Variants in AHNAK2 observed in about 807,000 individuals in gnomAD.
AHNAK2 encodes the protein protein AHNAK2.
AHNAK2 carries 18 observed loss-of-function variants against 30.7 expected under a neutral mutation model. That is an observed-to-expected ratio of 0.59 (90% CI 0.41 to 0.87). The LOEUF (loss-of-function observed/expected upper bound fraction) is 0.87, where lower values mean the gene tolerates loss of function less well. Among genes scored for constraint, AHNAK2 ranks in the 40% least tolerant of loss-of-function variants. The pLI is 0.00. For synonymous variants in AHNAK2, 3,590 were observed against 3,073.8 expected, an observed-to-expected ratio of 1.17 and a Z score of -5.56; for missense variants, 8,604 against 7,373.0, an observed-to-expected ratio of 1.17 and a Z score of -6.11.
Position 104,947,940 on chromosome 14 carries a change from G to T in AHNAK2, c.7511C>A (p.Ala2504Asp), listed in dbSNP as rs771202343. The change falls in exon 7 of 7, where the codon GCC becomes GAC. Residue 2504 changes from alanine to aspartate, a missense_variant. Transcript: ENST00000333244. The stretch of plus-strand genomic sequence containing the variant: ...CTTCGGCGCAGACACATCCACCGAG[G>T]CCTCGATGGACTTGCCTGGGGCAGA... ...GVSAPGKSIEASVDVSAPKVE... is the reference protein window; with the variant it reads ...GVSAPGKSIEDSVDVSAPKVE... 1.1e-5 allele frequency: 17 copies of T among 1,612,650 alleles called. No individual in the cohort carries two copies. Among genetic ancestry groups the T allele is most frequent in the Admixed American group, 8.3e-5 (5 of 59,936 alleles).
At position 104,944,336 on chromosome 14, in the gene AHNAK2, C is replaced by G; in HGVS notation, c.11115G>C (p.Lys3705Asn). ...CCTCGGGCACCTGGCCCTCCGGGAG[C>G]TTCACATCCATCTGGCCAGCCTGGA... is the stretch of plus-strand genomic sequence containing the variant. ...LKVQAGQMDV[K>N]LPEGQVPEGA... is the part of the protein sequence containing the mutation. Residue 3705 changes from lysine to asparagine, a missense_variant, in exon 7 of 7, where the codon AAG (lysine) becomes AAC (asparagine). Lys to Asn is a moderately conservative substitution (Grantham distance 94, BLOSUM62 0). Transcript: ENST00000333244. 6.2e-7 allele frequency: 1 copy of G among 1,611,610 alleles called. No individual in the cohort carries two copies. The highest frequency in any genetic ancestry group is 1.7e-4 in the Middle Eastern group (1 of 6,050).
At position 104,955,541 on chromosome 14, in the gene AHNAK2, G is replaced by T. The variant is rs1430010002; in HGVS notation, c.408C>A (p.Ile136=). Reference sequence around the variant, plus strand: ...AGTCCTTCAGCACTTGCTTGACGAAGATCCCCTGGTCCCCACCACCTGTGA... The same window carrying T: ...AGTCCTTCAGCACTTGCTTGACGAATATCCCCTGGTCCCCACCACCTGTGA... ...YSVTGGGDQG[I]FVKQVLKDSS... Residue 136 remains isoleucine, a synonymous_variant, in exon 5 of 7, where the codon ATC becomes ATA. Transcript: ENST00000333244. The T allele has an allele frequency of 1.2e-6, 2 of 1,613,650 alleles. No individual in the cohort carries two copies. Among genetic ancestry groups the T allele is most frequent in the Non-Finnish European group, 1.7e-6 (2 of 1,179,810 alleles).
intron 1 of AHNAK2, among the ~76,000 whole-genome samples, chr14:104,977,396 C>A (rs997346152): frequency 3.9e-5 from 6 of 152,208 alleles, no homozygotes; most frequent in Non-Finnish European, 8.8e-5. Context: ...ACACAAAGAG[C>A]AGCAGGTACA....
In AHNAK2 at chr14:104,939,370, T is replaced by C. The variant is rs776477526; in HGVS notation, c.16081A>G (p.Ser5361Gly). 2.1e-5 allele frequency: 34 copies of C among 1,613,572 alleles called. No individual in the cohort carries two copies. Among genetic ancestry groups the C allele is most frequent in the South Asian group, 4.4e-5 (4 of 91,084 alleles). Residue 5361 changes from serine to glycine, a missense_variant, in exon 7 of 7, where the codon AGT becomes GGT. Transcript: ENST00000333244. The stretch of plus-strand genomic sequence containing the variant: ...GAAATCTGGGATGGCATATCAGTAC[T>C]TGAAGCTTTCAATTTAAGTGGACCT... The part of the protein sequence containing the change: ...PEGPLKLKAS[S>G]TDMPSQISVV...
At chr14:104,963,083 T>C (rs756279842) in intron 1 of AHNAK2, among the ~76,000 whole-genome samples, 2 of 152,222 alleles carry the variant, frequency 1.3e-5, no homozygotes, top group Non-Finnish European at 2.9e-5. Flanking sequence ...AGTGAATGTA[T>C]CTGGCAAAGG....
Position 104,978,305 on chromosome 14 carries a change from C to G in AHNAK2, c.-68G>C, listed in dbSNP as rs1282852647. 16 of 141,228 alleles carry G rather than the reference C, an allele frequency of 1.1e-4. No homozygotes were observed. Among genetic ancestry groups the G allele is most frequent in the South Asian group, 2.6e-4 (1 of 3,888 alleles). The allele number at this position is 141,228 out of a possible 1,614,324, so 8.7% of individuals were successfully genotyped here. On this transcript the variant is annotated 5_prime_UTR_variant, in exon 1 of 7. Coordinates refer to ENST00000333244, the MANE Select transcript of AHNAK2 (RefSeq NM_138420.4). The stretch of plus-strand genomic sequence containing the variant: ...AGTCGCTGGTCCCGGCTCCGGCGCA[C>G]GGGGCGGGCGGGCGGGAGCCGCGCT...
In AHNAK2 at chr14:104,943,013, C is replaced by G; in HGVS notation, c.12438G>C (p.Ser4146=). Residue 4146 remains serine, a synonymous_variant, in exon 7 of 7, where the codon TCG becomes TCC. Coordinates refer to ENST00000333244, the MANE Select transcript of AHNAK2 (RefSeq NM_138420.4). ...ACGCCTCCATGGACTTGCCTGGGGC[C>G]GACACCCCGAATGATGGCATCTTGA... is the stretch of plus-strand genomic sequence containing the variant. The part of the protein sequence containing the change: ...PKFKMPSFGV[S]APGKSMEASV... The G allele has an allele frequency of 6.2e-7, 1 of 1,607,232 alleles. No homozygotes were observed. Among genetic ancestry groups the G allele is most frequent in the Non-Finnish European group, 8.5e-7 (1 of 1,177,106 alleles).
chr14:104,944,915 C>A lies in AHNAK2; in HGVS notation c.10536G>T (p.Met3512Ile). 6.2e-7 allele frequency: 1 copy of A among 1,613,262 alleles called. No homozygotes were observed. Among genetic ancestry groups the A allele is most frequent in the Non-Finnish European group, 8.5e-7 (1 of 1,179,650 alleles). ...KVEADVSLSS[M>I]QGDLKATDLS... ...GGTCAGTGGCCTTGAGGTCCCCCTG[C>A]ATGGAGGAGAGGCTCACGTCGGCCT... is the stretch of plus-strand genomic sequence containing the variant. Residue 3512 changes from methionine (M) to isoleucine (I), a missense_variant, in exon 7 of 7, where the codon ATG (methionine) becomes ATT (isoleucine). Coordinates refer to ENST00000333244, the MANE Select transcript of AHNAK2 (RefSeq NM_138420.4).
chr14:104,955,197 T>C, intron 5 of AHNAK2, 56 bp from the exon 6 acceptor site: 2 of 1,542,446 alleles, frequency 1.3e-6, no homozygotes, highest in Non-Finnish European at 1.7e-6. Context: ...CGGGGTCTGC[T>C]GTCTTGCCTT....
rs1304257469 is a variant in AHNAK2 at position 104,950,120 on chromosome 14, C to A, written c.5331G>T (p.Val1777=). 6.3e-7 allele frequency: 1 copy of A among 1,587,036 alleles called. No individual in the cohort carries two copies. The highest frequency in any genetic ancestry group is 1.1e-5 in the South Asian group (1 of 89,994). The change falls in exon 7 of 7, where the codon GTG becomes GTT. Residue 1777 remains valine, a synonymous_variant. Transcript: ENST00000333244. ...KLDLKGPKAE[V]MAPDVEVSLP... is the part of the protein sequence containing the mutation. The stretch of plus-strand genomic sequence containing the variant: ...GAGACACCTCCACGTCGGGGGCCAT[C>A]ACCTCCGCCTTGGGGCCTTTCAGGT...
rs56330864 is a variant in AHNAK2, at chr14:104,951,923, T to A, written c.3528A>T (p.Ser1176=). The A allele has an allele frequency of 0.55, 832,322 of 1,508,430 alleles. 238,226 individuals are homozygous for A. The highest frequency in any genetic ancestry group is 0.62 in the Middle Eastern group (3,541 of 5,684). The allele number at this position is 1,508,430 out of a possible 1,614,324, so 93.4% of individuals were successfully genotyped here. ...AGGCCTCGATGGACTTGCCTGGGGC[T>A]GACGCCCCGAACGATGGCATCTTGA... ...PKFKMPSFGA[S]APGKSIEASV... The change falls in exon 7 of 7, where the codon TCA becomes TCT. Residue 1176 remains serine (S), a synonymous_variant. Transcript: ENST00000333244.
Position 104,957,350 on chromosome 14 carries a change from C to T in AHNAK2, c.213+60G>A. On this transcript the variant is annotated intron_variant, in intron 3 of 6. Coordinates refer to ENST00000333244, the MANE Select transcript of AHNAK2 (RefSeq NM_138420.4). ...GTTGAACAGACATGCGTGAGTTGCC[C>T]ACACAGGGCGATGCAGGAGGAGACC... The T allele has an allele frequency of 2.0e-6, 3 of 1,469,464 alleles. No homozygotes were observed. In the South Asian group the frequency reaches 3.7e-5, roughly 18 times the overall value. The allele number at this position is 1,469,464 out of a possible 1,614,324, so 91.0% of individuals were successfully genotyped here. A position where few individuals can be genotyped will look rare whatever the true frequency, so the allele number is the denominator to read the frequency against.
chr14:104,950,766 G>A lies in AHNAK2; in HGVS notation c.4685C>T (p.Pro1562Leu), dbSNP rs61996045. Reference sequence around the variant, plus strand: ...GGCTCCCTCGGACACAGGGCCCTCTGGGAGTTTCACGTCCACTTGGCCAGC... The same window carrying A: ...GGCTCCCTCGGACACAGGGCCCTCTAGGAGTTTCACGTCCACTTGGCCAGC... ...VQAGQVDVKL[P>L]EGPVSEGAGL... The change falls in exon 7 of 7, where the codon CCA (proline) becomes CTA (leucine). Residue 1562 changes from proline (P) to leucine (L), a missense_variant. Physicochemically the swap from Pro to Leu is moderately conservative, Grantham distance 98. Transcript: ENST00000333244. 811,245 of 1,586,190 alleles carry A rather than the reference G, an allele frequency of 0.51. 259,491 individuals carry two copies. The highest frequency in any genetic ancestry group is 0.58 in the Middle Eastern group (3,519 of 6,024).
chr14:104,948,699 A>T lies in AHNAK2; in HGVS notation c.6752T>A (p.Leu2251His), dbSNP rs1898460134. ...MPSFKVPKVD[L>H]KGPEIDIKGP... ...CTTGATGTCTATTTCGGGGCCCTTG[A>T]GGTCCACTTTGGGCACCTTGAAACT... Residue 2251 changes from leucine (L) to histidine (H), a missense_variant, in exon 7 of 7, where the codon CTC becomes CAC. Physicochemically the swap from Leu to His is moderately conservative, Grantham distance 99 (BLOSUM62 -3). Coordinates refer to ENST00000333244, the MANE Select transcript of AHNAK2 (RefSeq NM_138420.4). 1 of 1,609,266 alleles carries T rather than the reference A, an allele frequency of 6.2e-7. No homozygotes were observed.
At chr14:104,958,698 G>T (rs1036616475) in intron 1 of AHNAK2, among the ~76,000 whole-genome samples, 1 of 152,084 alleles carries the variant, frequency 6.6e-6, no homozygotes, top group Non-Finnish European at 1.5e-5. Flanking sequence ...GGGGTCAGGG[G>T]GAAGATTGTT....
rs756809695 is a variant in AHNAK2 at position 104,954,631 on chromosome 14, C to T, written c.820G>A (p.Gly274Arg). The stretch of plus-strand genomic sequence containing the variant: ...GACGAGCTGTGTGACCTCTGGGGTC[C>T]CGGCCCCCGCTTGCTCTTTATGGAT... ...FQSIKSKRGPGPQRSHSSSEA... is the reference protein window; with the variant it reads ...FQSIKSKRGPRPQRSHSSSEA... The change falls in exon 7 of 7, where the codon GGA (glycine) becomes AGA (arginine). Residue 274 changes from glycine (G) to arginine (R), a missense_variant. Physicochemically the swap from Gly to Arg is moderately radical, Grantham distance 125 (BLOSUM62 -2). Transcript: ENST00000333244. The surrounding 1 kb of genome is among the most constrained non-coding windows in gnomAD (Gnocchi z 4.3). 6.2e-7 allele frequency: 1 copy of T among 1,612,592 alleles called. No homozygotes were observed. Among genetic ancestry groups the T allele is most frequent in the South Asian group, 1.1e-5 (1 of 90,966 alleles).
At position 104,952,468 on chromosome 14, in the gene AHNAK2, C is replaced by G; in HGVS notation, c.2983G>C (p.Asp995His). The G allele has an allele frequency of 6.2e-7, 1 of 1,612,836 alleles. No homozygotes were observed. Among genetic ancestry groups the G allele is most frequent in the Non-Finnish European group, 8.5e-7 (1 of 1,179,644 alleles). Residue 995 changes from aspartate (D) to histidine (H), a missense_variant, in exon 7 of 7, where the codon GAC (aspartate) becomes CAC (histidine). Coordinates refer to ENST00000333244, the MANE Select transcript of AHNAK2 (RefSeq NM_138420.4). ...SLADKDVTAK[D>H]SKFKMPKFKM... ...AACTTGGGCATTTTGAACTTGCTGTCTTTGGCAGTCACGTCCTTGTCGGCC... is the reference window on the plus strand; with the variant it reads ...AACTTGGGCATTTTGAACTTGCTGTGTTTGGCAGTCACGTCCTTGTCGGCC...
rs1403125796 is a variant in AHNAK2, at chr14:104,952,075, G to A, written c.3376C>T (p.Leu1126=). The change falls in exon 7 of 7, where the codon CTG becomes TTG. Residue 1126 remains leucine, a synonymous_variant. Transcript: ENST00000333244. The part of the protein sequence containing the change: ...EVTAPDVEVS[L]PSVEVDVEAP... ...TCGACGTCCACCTCCACGCTGGGCA[G>A]AGACACCTCCACATCAGGGGCTGTG... is the stretch of plus-strand genomic sequence containing the variant. 2 of 1,612,590 alleles carry A rather than the reference G, an allele frequency of 1.2e-6. No homozygotes were observed. Among genetic ancestry groups the A allele is most frequent in the African/African-American group, 1.3e-5 (1 of 74,302 alleles).
chr14:104,963,613 G>T (rs1328335859), intron 1 of AHNAK2, among the ~76,000 whole-genome samples: 1 of 152,066 alleles, frequency 6.6e-6, no homozygotes, highest in Non-Finnish European at 1.5e-5. Flanking sequence ...GGCGGATCAC[G>T]AGGTCAGGAG....
Sources: gnomAD v4.1 joint callset for allele counts (sites outside exome capture counted in the v4.1 genomes callset) on GRCh38, gnomAD v4.1.1 for gene constraint, Gnocchi (gnomAD v3.1) non-coding constraint, MANE v1.5 for transcripts, NCBI Gene and HGNC (gene_info 2026-07-23, HGNC 2026-07-21) for gene names.